Variants in TM9SF2 observed in about 807,000 individuals in gnomAD.
TM9SF2 encodes the protein 76 kDa membrane protein.
TM9SF2 carries 13 observed loss-of-function variants against 84.9 expected under a neutral mutation model. The ratio of observed to expected loss-of-function variants is 0.15; its 90% CI spans 0.10 to 0.24. TM9SF2 has a LOEUF of 0.24. Ranked by LOEUF, TM9SF2 falls within the 10% of genes least tolerant of loss-of-function variation. TM9SF2 has a pLI of 1.00. For missense variants in TM9SF2, 562 were observed against 818.5 expected (o/e 0.69, Z 3.82); for synonymous variants, 273 against 285.8 (o/e 0.96, Z 0.45).
rs184292083 is a variant in TM9SF2 at position 99,504,452 on chromosome 13, G to A, written c.171+2675G>A. On this transcript the variant is annotated intron_variant, in intron 1 of 16. Transcript: ENST00000376387. ...ATTTTGCATTTCTTAGAGGAAAAGT[G>A]CAATATTTGTCATTGTTGTGATAGT... 2.4e-3 allele frequency among the ~76,000 whole-genome samples: 371 copies of A among 152,242 alleles called. 3 individuals carry two copies. The highest frequency in any genetic ancestry group is 8.5e-3 in the African/African-American group (355 of 41,546).
At chr13:99,521,252 T>G (rs1200682406) in intron 3 of TM9SF2, among the ~76,000 whole-genome samples, 1 of 152,230 alleles carries the variant, frequency 6.6e-6, no homozygotes, top group African/African-American at 2.4e-5. Context: ...CCTATAAGCT[T>G]ACATTAAATA....
intron 1 of TM9SF2, among the ~76,000 whole-genome samples, chr13:99,502,626 A>G (rs2046071635): frequency 6.6e-6 from 1 of 152,220 alleles, no homozygotes; most frequent in Non-Finnish European, 1.5e-5. Flanking sequence ...AGAGGCGTAA[A>G]TAAAGTAACC....
At chr13:99,526,423 C>T (rs537748261) in intron 3 of TM9SF2, among the ~76,000 whole-genome samples, 1 of 152,270 alleles carries the variant, frequency 6.6e-6, no homozygotes, top group South Asian at 2.1e-4. Context: ...TACTGTTGAG[C>T]TTGGAGTTTG....
chr13:99,512,883 G>A lies in TM9SF2; in HGVS notation c.172-4731G>A, dbSNP rs9585106. Among the ~76,000 whole-genome samples, 326 of 152,224 alleles carry A rather than the reference G, an allele frequency of 2.1e-3. 1 individual carries two copies. The highest frequency in any genetic ancestry group is 7.5e-3 in the African/African-American group (313 of 41,508). ...GGACTGGTGCTTGAGGCTAATTTGG[G>A]TTTTAAATTTAGAAAAGAGAATGCA... On this transcript the variant is annotated intron_variant, in intron 1 of 16. Coordinates refer to ENST00000376387, the MANE Select transcript of TM9SF2 (RefSeq NM_004800.3).
chr13:99,553,016 T>C (rs1457506571), intron 13 of TM9SF2, among the ~76,000 whole-genome samples: 1 of 152,244 alleles, frequency 6.6e-6, no homozygotes, highest in Non-Finnish European at 1.5e-5. Context: ...CCTGCTAATA[T>C]TGGATTTTAA....
At chr13:99,518,279 G>A (rs934138385) in intron 2 of TM9SF2, among the ~76,000 whole-genome samples, 2 of 152,078 alleles carry the variant, frequency 1.3e-5, no homozygotes, top group Admixed American at 6.6e-5. Flanking sequence ...GTCTGGCTAA[G>A]TTTTGTATTT....
intron 4 of TM9SF2, among the ~76,000 whole-genome samples, chr13:99,530,571 A>G (rs753197545): frequency 1.1e-4 from 16 of 152,268 alleles, no homozygotes; most frequent in Admixed American, 3.9e-4. Context: ...AGTTAACAGT[A>G]GCATATTATG....
chr13:99,544,127 G>T, intron 10 of TM9SF2, 132 bp downstream of exon 10: 1 of 924,406 alleles, frequency 1.1e-6, no homozygotes, highest in South Asian at 1.7e-5. Flanking sequence ...CAAGGCGGGT[G>T]GATGACAAGG....
At chr13:99,541,525 C>G in intron 8 of TM9SF2, 34 bp from the exon 9 acceptor site, 1 of 1,475,480 alleles carries the variant, frequency 6.8e-7, no homozygotes, top group Non-Finnish European at 9.4e-7. Context: ...TAGGATTAAG[C>G]TACAGATTAC....
intron 11 of TM9SF2, among the ~76,000 whole-genome samples, chr13:99,548,561 AT>A (rs2046293282): frequency 1.3e-5 from 2 of 152,124 alleles, no homozygotes; most frequent in African/African-American, 2.4e-5. Context: ...CAGTATTTGA[AT>A]TCTTTAAACT....
intron 8 of TM9SF2, among the ~76,000 whole-genome samples, chr13:99,541,308 T>C (rs2046257900): frequency 6.6e-6 from 1 of 152,228 alleles, no homozygotes; most frequent in Non-Finnish European, 1.5e-5. Flanking sequence ...TTTCATAATA[T>C]TGACCATGTA....
intron 9 of TM9SF2, 35 bp from the exon 10 acceptor site, chr13:99,543,828 A>G (rs373904730): frequency 1.4e-5 from 23 of 1,610,176 alleles, no homozygotes; most frequent in African/African-American, 5.3e-5. Context: ...TGTTGATACC[A>G]TGAGACAATC....
intron 8 of TM9SF2, 121 bp downstream of exon 8, chr13:99,540,914 C>A: frequency 1.2e-6 from 1 of 865,310 alleles, no homozygotes; most frequent in Non-Finnish European, 1.8e-6. Context: ...GGGTTCAAAT[C>A]CTGGCTTTCA....
Position 99,536,715 on chromosome 13 carries a change from C to G in TM9SF2, c.569C>G (p.Ala190Gly). Reference sequence around the variant, plus strand: ...TGTTACATTACAGATAAAGGCCATGCAAAAGATGCCTGTGTTATTAGTGTA... The same window carrying G: ...TGTTACATTACAGATAAAGGCCATGGAAAAGATGCCTGTGTTATTAGTGTA... ...IGCYITDKGH[A>G]KDACVISSDF... Residue 190 changes from alanine to glycine, a missense_variant, in exon 5 of 17, where the codon GCA becomes GGA. By Grantham distance (60) the Ala-to-Gly change is moderately conservative. This residue lies in a region of TM9SF2 where 267 missense variants were observed against 316.7 expected (regional missense o/e 0.84). Coordinates refer to ENST00000376387, the MANE Select transcript of TM9SF2 (RefSeq NM_004800.3). 6.2e-7 allele frequency: 1 copy of G among 1,613,592 alleles called. No homozygotes were observed. Among genetic ancestry groups the G allele is most frequent in the Non-Finnish European group, 8.5e-7 (1 of 1,179,680 alleles).
At position 99,520,049 on chromosome 13, in the gene TM9SF2, C is replaced by G. The variant is rs1342539322; in HGVS notation, c.253C>G (p.Gln85Glu). 1.2e-6 allele frequency: 2 copies of G among 1,612,504 alleles called. No homozygotes were observed. Among genetic ancestry groups the G allele is most frequent in the Non-Finnish European group, 1.7e-6 (2 of 1,179,598 alleles). Residue 85 changes from glutamine to glutamate, a missense_variant, in exon 3 of 17, where the codon CAA becomes GAA. Physicochemically the swap from Gln to Glu is conservative, Grantham distance 29 (BLOSUM62 2). This residue lies in a region of TM9SF2 where 267 missense variants were observed against 316.7 expected (regional missense o/e 0.84). Coordinates refer to ENST00000376387, the MANE Select transcript of TM9SF2 (RefSeq NM_004800.3). ...TTCTTCTCCCAGGTTTGATTTTTGC[C>G]AAGCATCAGAAGGAAAGCGCCCATC... ...PYEYTAFDFC[Q>E]ASEGKRPSEN...
intron 11 of TM9SF2, among the ~76,000 whole-genome samples, chr13:99,548,262 A>C (rs2046292066): frequency 6.6e-6 from 1 of 152,168 alleles, no homozygotes; most frequent in African/African-American, 2.4e-5. Flanking sequence ...CCAGCTGCAG[A>C]TCCTGTATTA....
At chr13:99,537,026 A>G (rs1296154319) in intron 5 of TM9SF2, among the ~76,000 whole-genome samples, 2 of 152,204 alleles carry the variant, frequency 1.3e-5, no homozygotes, top group Admixed American at 1.3e-4. Context: ...CTTATATATT[A>G]CAAAATGTAC....
chr13:99,553,875 C>G (rs1382154004), intron 13 of TM9SF2, among the ~76,000 whole-genome samples: 2 of 152,112 alleles, frequency 1.3e-5, no homozygotes, highest in Non-Finnish European at 1.5e-5. Flanking sequence ...TAAAATTGAG[C>G]AATTTTAGTA....
chr13:99,519,966 A>C, intron 2 of TM9SF2, 70 bp from the exon 3 acceptor site: 1 of 1,403,144 alleles, frequency 7.1e-7, no homozygotes, highest in Non-Finnish European at 1.0e-6. Context: ...ATCTGCTCTC[A>C]AGATTGGCTA....
Sources: allele counts gnomAD v4.1 joint callset (sites outside exome capture counted in the v4.1 genomes callset), GRCh38; gene constraint gnomAD v4.1.1; regional missense constraint gnomAD v4.1.1; transcripts MANE v1.5; gene names NCBI Gene and HGNC (gene_info 2026-07-23, HGNC 2026-07-21).